FSD1L: variants seen among roughly 807,000 people sequenced by gnomAD.
FSD1L encodes the protein FSD1-like protein.
FSD1L carries 45 observed loss-of-function variants against 71.6 expected under a neutral mutation model. The ratio of observed to expected loss-of-function variants is 0.63; its 90% CI spans 0.49 to 0.81. FSD1L has a LOEUF of 0.81. Ranked by LOEUF, FSD1L falls within the 30% of genes least tolerant of loss-of-function variation. The pLI, the probability that FSD1L is intolerant of heterozygous loss-of-function variation, is 0.00. For synonymous variants in FSD1L, 197 were observed against 207.2 expected, an observed-to-expected ratio of 0.95 and a Z score of 0.42; for missense variants, 561 against 618.1, an observed-to-expected ratio of 0.91 and a Z score of 0.98.
chr9:105,487,624 AATG>A (rs1323142051), intron 7 of FSD1L, among the ~76,000 whole-genome samples: 3 of 151,954 alleles, frequency 2.0e-5, no homozygotes, highest in Admixed American at 1.3e-4. Context: ...AGGACCTTTT[AATG>A]TATTAAGGAA....
At chr9:105,453,534 C>T (rs771150586) in intron 1 of FSD1L, among the ~76,000 whole-genome samples, 3 of 151,776 alleles carry the variant, frequency 2.0e-5, no homozygotes, top group Non-Finnish European at 4.4e-5. Context: ...TGTCTGTCTG[C>T]ATGTATCTTT....
At chr9:105,490,097 A>T (rs370613290) in intron 7 of FSD1L, among the ~76,000 whole-genome samples, 1 of 152,152 alleles carries the variant, frequency 6.6e-6, no homozygotes, top group Non-Finnish European at 1.5e-5. Context: ...TCCACAAGGG[A>T]TGAACTAGTT....
chr9:105,498,755 A>G lies in FSD1L; in HGVS notation c.587-7644A>G, dbSNP rs78238164. Among the ~76,000 whole-genome samples the G allele has an allele frequency of 1.1e-3, 171 of 152,122 alleles. No individual in the cohort carries two copies. The East Asian group carries it at 0.027, about 24-fold the overall frequency. On this transcript the variant is annotated intron_variant, in intron 7 of 13. Transcript: ENST00000481272. ...AAAATATTTTAAAATTTCTCTTGAG[A>G]TTTATTCTTTGACTATGTGTTGTTT...
intron 10 of FSD1L, chr9:105,513,775 T>C (rs1418758915): frequency 4.6e-5 from 25 of 542,754 alleles, no homozygotes; most frequent in Non-Finnish European, 7.4e-5. Flanking sequence ...GTGTAGACTG[T>C]ATTGGTAGCT....
chr9:105,458,078 C>T (rs969809381), intron 1 of FSD1L, among the ~76,000 whole-genome samples: 1 of 152,200 alleles, frequency 6.6e-6, no homozygotes, highest in Non-Finnish European at 1.5e-5. Context: ...GGGCATGTTT[C>T]AGCCTGTTCA....
intron 10 of FSD1L, among the ~76,000 whole-genome samples, chr9:105,532,414 T>C (rs1031001846): frequency 6.6e-6 from 1 of 152,254 alleles, no homozygotes. Flanking sequence ...ACAAGTATTG[T>C]ATAAGATCAG....
chr9:105,448,139 G>T lies in FSD1L; in HGVS notation c.-82G>T. ...GGCTGGGGCAGTGCAGTGAGTAGCG[G>T]TCTTGGGGTGTGCGATCTCGCTGAG... On this transcript the variant is annotated 5_prime_UTR_variant, in exon 1 of 14. Transcript: ENST00000481272. 2 of 1,409,620 alleles carry T rather than the reference G, an allele frequency of 1.4e-6. No homozygotes were observed. Among genetic ancestry groups the T allele is most frequent in the Non-Finnish European group, 2.0e-6 (2 of 1,021,936 alleles). 87.3% of individuals were successfully genotyped at this position (1,409,620 alleles called of 1,614,324 possible). A position where few individuals can be genotyped will look rare whatever the true frequency, so the allele number is the denominator to read the frequency against.
intron 6 of FSD1L, among the ~76,000 whole-genome samples, chr9:105,479,637 A>T (rs1269567254): frequency 6.6e-6 from 1 of 152,238 alleles, no homozygotes; most frequent in Non-Finnish European, 1.5e-5. Flanking sequence ...GTTTTAGAAC[A>T]GTTCTTAATT....
chr9:105,474,806 T>C (rs1436263970), intron 5 of FSD1L, among the ~76,000 whole-genome samples: 1 of 152,258 alleles, frequency 6.6e-6, no homozygotes, highest in African/African-American at 2.4e-5. Context: ...ATTTAAATTA[T>C]CACATTGCAG....
At chr9:105,542,488 C>T (rs886989551) in intron 13 of FSD1L, among the ~76,000 whole-genome samples, 1 of 152,182 alleles carries the variant, frequency 6.6e-6, no homozygotes, top group African/African-American at 2.4e-5. Flanking sequence ...GGGTCTCGCT[C>T]TGTCACCCAG....
intron 7 of FSD1L, 86 bp from the exon 8 acceptor site, chr9:105,506,313 G>T: frequency 9.8e-7 from 1 of 1,018,476 alleles, no homozygotes; most frequent in Non-Finnish European, 1.4e-6. Flanking sequence ...AAAGCAGTTT[G>T]AATGATATAA....
chr9:105,512,559 C>G (rs1834456098), intron 9 of FSD1L, among the ~76,000 whole-genome samples: 1 of 151,908 alleles, frequency 6.6e-6, no homozygotes, highest in Non-Finnish European at 1.5e-5. Context: ...ATGTCAGTGA[C>G]CATGCAAGTA....
upstream of FSD1L, chr9:105,448,015 C>A: frequency 1.7e-6 from 1 of 598,340 alleles, no homozygotes; most frequent in Non-Finnish European, 3.0e-6. Context: ...TCCTCAGCCC[C>A]TCCCTTCTGC....
Position 105,500,989 on chromosome 9 carries a change from A to G in FSD1L, c.587-5410A>G, listed in dbSNP as rs543479390. On this transcript the variant is annotated intron_variant, in intron 7 of 13. Coordinates refer to ENST00000481272, the MANE Select transcript of FSD1L (RefSeq NM_001145313.3). The stretch of plus-strand genomic sequence containing the variant: ...CTTCCCATCACTAAAATAATTCGGT[A>G]AGAAGCTTGACAATAACTTGAAGCC... Among the ~76,000 whole-genome samples, 14 of 152,344 alleles carry G rather than the reference A, an allele frequency of 9.2e-5. No homozygotes were observed. The South Asian group carries it at 2.9e-3, about 32-fold the overall frequency.
At chr9:105,452,272 G>T (rs1028584049) in intron 1 of FSD1L, among the ~76,000 whole-genome samples, 2 of 152,092 alleles carry the variant, frequency 1.3e-5, no homozygotes, top group Admixed American at 6.6e-5. Context: ...CCAAAATTAC[G>T]CCTCAGTTAA....
At chr9:105,469,304 CAT>C (rs147550090) in intron 4 of FSD1L, among the ~76,000 whole-genome samples, 14 of 152,258 alleles carry the variant, frequency 9.2e-5, no homozygotes, top group African/African-American at 2.9e-4. Context: ...ATTGCTGAAT[CAT>C]GTGGTAATTC....
intron 10 of FSD1L, chr9:105,520,015 T>C: frequency 2.1e-6 from 3 of 1,441,874 alleles, no homozygotes; most frequent in Non-Finnish European, 2.7e-6. Flanking sequence ...CCCGCAAGGC[T>C]GGGGAGCTAA....
chr9:105,524,062 A>G, intron 10 of FSD1L: 1 of 1,609,550 alleles, frequency 6.2e-7, no homozygotes, highest in East Asian at 2.2e-5. Context: ...ACAGATGTTA[A>G]GGAACTTATA....
At chr9:105,510,306 C>T (rs954055778) in intron 9 of FSD1L, among the ~76,000 whole-genome samples, 5 of 152,138 alleles carry the variant, frequency 3.3e-5, no homozygotes, top group Non-Finnish European at 7.4e-5. Context: ...TTCTGACCTT[C>T]AGGGAGTTCC....
Sources: allele counts gnomAD v4.1 joint callset (sites outside exome capture counted in the v4.1 genomes callset), GRCh38; gene constraint gnomAD v4.1.1; transcripts MANE v1.5; gene names NCBI Gene and HGNC (gene_info 2026-07-23, HGNC 2026-07-21).